Variants in PPP1R37 observed in about 807,000 individuals in gnomAD.
The protein encoded by PPP1R37 is protein phosphatase 1 regulatory subunit 37, also known as leucine rich repeat containing 68.
Under a neutral mutation model 61.0 loss-of-function variants are expected in PPP1R37, and 21 were observed. That is an observed-to-expected ratio of 0.34 (90% CI 0.24 to 0.50). PPP1R37 has a LOEUF of 0.50. PPP1R37 is among the 20% of genes least tolerant of loss of function. The pLI is 0.98. For synonymous variants in PPP1R37, 443 were observed against 433.5 expected, an observed-to-expected ratio of 1.02 and a Z score of -0.27; for missense variants, 910 against 952.7, an observed-to-expected ratio of 0.96 and a Z score of 0.59.
At chr19:45,124,041 G>A (rs1392511507) in intron 1 of PPP1R37, among the ~76,000 whole-genome samples, 1 of 152,206 alleles carries the variant, frequency 6.6e-6, no homozygotes, top group African/African-American at 2.4e-5. Context: ...CCCATGTGGA[G>A]CAATGTTGGG....
chr19:45,114,270 G>T (rs963432648), intron 1 of PPP1R37, among the ~76,000 whole-genome samples: 1 of 152,238 alleles, frequency 6.6e-6, no homozygotes, highest in African/African-American at 2.4e-5. Flanking sequence ...TGGAGGCCAG[G>T]CTTTGCCTGT....
At chr19:45,144,476 G>A in intron 8 of PPP1R37, 1 of 220,034 alleles carries the variant, frequency 4.5e-6, no homozygotes, top group Non-Finnish European at 8.8e-6. Flanking sequence ...CTTAAAGCAA[G>A]CCACTCAGGT....
chr19:45,145,305 G>T, intron 10 of PPP1R37, 45 bp downstream of exon 10: 2 of 1,521,166 alleles, frequency 1.3e-6, no homozygotes, highest in African/African-American at 2.7e-5. Context: ...GCGGAAGGCC[G>T]GGTGGTGGGG....
chr19:45,103,973 T>C (rs1172116314), intron 1 of PPP1R37, among the ~76,000 whole-genome samples: 7 of 152,068 alleles, frequency 4.6e-5, no homozygotes, highest in South Asian at 2.1e-4. Context: ...GTGGGAGGCC[T>C]TTCCCACAGA....
At chr19:45,117,204 C>T (rs1009830677) in intron 1 of PPP1R37, among the ~76,000 whole-genome samples, 4 of 152,064 alleles carry the variant, frequency 2.6e-5, no homozygotes, top group Non-Finnish European at 4.4e-5. Context: ...TGAGCCATTG[C>T]GCCTGGCCAG....
At chr19:45,116,410 C>T (rs576516619) in intron 1 of PPP1R37, among the ~76,000 whole-genome samples, 2 of 152,342 alleles carry the variant, frequency 1.3e-5, no homozygotes, top group Non-Finnish European at 2.9e-5. Flanking sequence ...CTGGAGCTGG[C>T]CATCCTGCAG....
At chr19:45,117,532 T>C (rs1968284985) in intron 1 of PPP1R37, among the ~76,000 whole-genome samples, 1 of 152,106 alleles carries the variant, frequency 6.6e-6, no homozygotes, top group African/African-American at 2.4e-5. Flanking sequence ...GTGCGCCTGC[T>C]TTGGGTCTGA....
intron 1 of PPP1R37, among the ~76,000 whole-genome samples, chr19:45,119,403 T>G (rs191402127): frequency 5.9e-5 from 9 of 152,308 alleles, no homozygotes; most frequent in Non-Finnish European, 1.2e-4. Flanking sequence ...TCTGCCCACC[T>G]TGGCCTCCCA....
At chr19:45,144,818 C>T (rs866699974) in intron 8 of PPP1R37, 36 bp from the exon 9 acceptor site, 20 of 1,490,654 alleles carry the variant, frequency 1.3e-5, no homozygotes, top group Middle Eastern at 1.7e-4. Context: ...TCCGCCATCA[C>T]GGCCTCCTCC....
intron 1 of PPP1R37, among the ~76,000 whole-genome samples, chr19:45,129,181 C>T (rs1014471398): frequency 4.6e-5 from 7 of 152,184 alleles, no homozygotes; most frequent in Admixed American, 1.3e-4. Flanking sequence ...GTCGGGGAGC[C>T]CCTGCCCTTC....
chr19:45,120,219 G>A (rs1191373582), intron 1 of PPP1R37, among the ~76,000 whole-genome samples: 9 of 151,984 alleles, frequency 5.9e-5, no homozygotes, highest in East Asian at 5.8e-4. Flanking sequence ...AGGTTTCACT[G>A]TGTTAGCCAG....
intron 1 of PPP1R37, among the ~76,000 whole-genome samples, chr19:45,099,811 G>A (rs1026762058): frequency 6.6e-6 from 1 of 152,238 alleles, no homozygotes; most frequent in Non-Finnish European, 1.5e-5. Context: ...GGATTTACAG[G>A]AAACTTTTTT....
chr19:45,104,515 C>T (rs1474184182), intron 1 of PPP1R37, among the ~76,000 whole-genome samples: 1 of 152,198 alleles, frequency 6.6e-6, no homozygotes, highest in Non-Finnish European at 1.5e-5. Context: ...CATTCCTTGC[C>T]AACCAGCGCC....
At chr19:45,120,037 A>G (rs1479113375) in intron 1 of PPP1R37, among the ~76,000 whole-genome samples, 5 of 57,382 alleles carry the variant, frequency 8.7e-5, no homozygotes, top group Non-Finnish European at 1.6e-4. Flanking sequence ...TTTTTTTTTG[A>G]GATGGAGTCT....
chr19:45,102,924 C>T (rs1216296042), intron 1 of PPP1R37, among the ~76,000 whole-genome samples: 1 of 152,222 alleles, frequency 6.6e-6, no homozygotes, highest in East Asian at 1.9e-4. Flanking sequence ...CTGGGGTCTG[C>T]TGTTTCAGCT....
At chr19:45,111,035 T>C (rs1276613984) in intron 1 of PPP1R37, among the ~76,000 whole-genome samples, 1 of 152,052 alleles carries the variant, frequency 6.6e-6, no homozygotes. Flanking sequence ...TGGGTGGCAG[T>C]GCTAGGAAGC....
chr19:45,143,612 G>T lies in PPP1R37; in HGVS notation c.966G>T (p.Met322Ile), dbSNP rs887117173. The T allele has an allele frequency of 2.7e-5, 42 of 1,534,392 alleles. No homozygotes were observed. The highest frequency in any genetic ancestry group is 3.4e-5 in the Non-Finnish European group (39 of 1,145,514). Residue 322 changes from methionine (M) to isoleucine (I), a missense_variant, in exon 8 of 13, where the codon ATG (methionine) becomes ATT (isoleucine). Coordinates refer to ENST00000221462, the MANE Select transcript of PPP1R37 (RefSeq NM_019121.2). Reference sequence around the variant, plus strand: ...ACAACCAGCTCACGCACACAGGCATGGCCTTCCTGGGCATGACACTGGTGA... The same window carrying T: ...ACAACCAGCTCACGCACACAGGCATTGCCTTCCTGGGCATGACACTGGTGA... The part of the protein sequence containing the change: ...LWNNQLTHTG[M>I]AFLGMTLPHT...
chr19:45,134,445 C>T (rs1175832940), intron 1 of PPP1R37, among the ~76,000 whole-genome samples: 1 of 152,108 alleles, frequency 6.6e-6, no homozygotes, highest in Non-Finnish European at 1.5e-5. Context: ...TCTGATCTGC[C>T]CATGCTGCTC....
At chr19:45,095,618 C>A (rs1967982485) in intron 1 of PPP1R37, among the ~76,000 whole-genome samples, 2 of 151,930 alleles carry the variant, frequency 1.3e-5, no homozygotes, top group South Asian at 4.2e-4. Context: ...CGAAAATTAG[C>A]CAGGTGTGGT....
Sources: gnomAD v4.1 joint callset for allele counts (sites outside exome capture counted in the v4.1 genomes callset) on GRCh38, gnomAD v4.1.1 for gene constraint, MANE v1.5 for transcripts, NCBI Gene and HGNC (gene_info 2026-07-23, HGNC 2026-07-21) for gene names.